DNAAF5: variants seen among roughly 807,000 people sequenced by gnomAD.
DNAAF5 encodes the protein HEAT repeat containing 2.
Under a neutral mutation model 75.8 loss-of-function variants are expected in DNAAF5, and 64 were observed. The observed-to-expected ratio is 0.84, with a 90% CI of 0.69 to 1.04. The LOEUF is 1.04. DNAAF5 is among the 50% of genes least tolerant of loss of function. The pLI is 0.00. For missense variants in DNAAF5, 1,269 were observed against 1,178.5 expected (o/e 1.08, Z -1.12); for synonymous variants, 657 against 557.2 (o/e 1.18, Z -2.52).
intron 8 of DNAAF5, chr7:769,105 G>A (rs754293237): frequency 9.4e-6 from 7 of 748,526 alleles, no homozygotes; most frequent in Admixed American, 7.2e-5. Flanking sequence ...TGTGGCAAGG[G>A]CAGGTGCGGG....
intron 4 of DNAAF5, among the ~76,000 whole-genome samples, chr7:750,373 C>A (rs753895926): frequency 1.1e-4 from 16 of 152,232 alleles, no homozygotes; most frequent in Non-Finnish European, 1.8e-4. Context: ...AACGCACCCC[C>A]CACCGTTCAG....
At chr7:750,140 T>A (rs1263166107) in intron 4 of DNAAF5, among the ~76,000 whole-genome samples, 1 of 152,176 alleles carries the variant, frequency 6.6e-6, no homozygotes, top group African/African-American at 2.4e-5. Context: ...GTTTCTCCTT[T>A]TTCTGTGTTT....
At chr7:769,024 C>T (rs1778457823) in intron 8 of DNAAF5, 3 of 626,512 alleles carry the variant, frequency 4.8e-6, no homozygotes, top group African/African-American at 1.8e-5. Context: ...TGGGGAGGCC[C>T]TCCAAGACAC....
At chr7:770,665 C>T in intron 9 of DNAAF5, 47 bp downstream of exon 9, 2 of 1,580,894 alleles carry the variant, frequency 1.3e-6, no homozygotes, top group Non-Finnish European at 1.7e-6. Context: ...GGGGCCTGGG[C>T]CAGGGGTCCC....
At chr7:760,691 CGCA>C (rs1189032611) in intron 6 of DNAAF5, among the ~76,000 whole-genome samples, 1 of 152,190 alleles carries the variant, frequency 6.6e-6, no homozygotes, top group Admixed American at 6.5e-5. Flanking sequence ...AGTAAGCACA[CGCA>C]AAGCCTTAGG....
intron 8 of DNAAF5, among the ~76,000 whole-genome samples, chr7:767,483 A>G (rs1483168106): frequency 2.0e-5 from 3 of 152,250 alleles, no homozygotes; most frequent in African/African-American, 7.2e-5. Context: ...ATCGGGGCAT[A>G]ATTTAATAGA....
At chr7:730,435 G>C (rs188315398) in intron 2 of DNAAF5, among the ~76,000 whole-genome samples, 85 of 152,296 alleles carry the variant, frequency 5.6e-4, no homozygotes, top group African/African-American at 2.0e-3. Flanking sequence ...TGATCTTTCT[G>C]TCTCTGAGTT....
chr7:734,925 A>G (rs888330427), intron 2 of DNAAF5, among the ~76,000 whole-genome samples: 15 of 150,310 alleles, frequency 1.0e-4, no homozygotes, highest in Non-Finnish European at 1.6e-4. Flanking sequence ...CGTTGCTCAT[A>G]TTGTAGTTGC....
At chr7:775,295 T>G in intron 11 of DNAAF5, 133 bp downstream of exon 11, 1 of 810,280 alleles carries the variant, frequency 1.2e-6, no homozygotes, top group Admixed American at 2.2e-5. Flanking sequence ...GGTTCACACC[T>G]TTAATTCCAG....
intron 4 of DNAAF5, among the ~76,000 whole-genome samples, chr7:743,207 T>G (rs2128073729): frequency 6.6e-6 from 1 of 152,100 alleles, no homozygotes; most frequent in South Asian, 2.1e-4. Flanking sequence ...TTACAAATAT[T>G]TTAACAAAAA....
intron 2 of DNAAF5, among the ~76,000 whole-genome samples, chr7:731,471 C>T (rs1486380686): frequency 6.6e-6 from 1 of 152,156 alleles, no homozygotes; most frequent in Admixed American, 6.5e-5. Context: ...TCGACAGCTG[C>T]CTATAAATGC....
At chr7:760,078 CT>C (rs1782597701) in intron 6 of DNAAF5, among the ~76,000 whole-genome samples, 3 of 11,260 alleles carry the variant, frequency 2.7e-4, no homozygotes, top group African/African-American at 7.7e-4. Context: ...GGCCGCGCGG[CT>C]CCTCCAGCTC....
At chr7:774,670 T>G (rs1001022856) in intron 10 of DNAAF5, among the ~76,000 whole-genome samples, 1 of 152,090 alleles carries the variant, frequency 6.6e-6, no homozygotes, top group Admixed American at 6.5e-5. Flanking sequence ...TGGGCGCCCG[T>G]GCAGCATCAG....
In DNAAF5 at chr7:741,466, G is replaced by T; in HGVS notation, c.1024+1G>T. The T allele has an allele frequency of 6.5e-7, 1 of 1,526,772 alleles. No homozygotes were observed. The highest frequency in any genetic ancestry group is 8.9e-7 in the Non-Finnish European group (1 of 1,119,570). The allele number at this position is 1,526,772 out of a possible 1,614,324, so 94.6% of individuals were successfully genotyped here. A position where few individuals can be genotyped will look rare whatever the true frequency, so the allele number is the denominator to read the frequency against. ...ACCCCACCCCATTACCCTCCACATG[G>T]TGAGTGACCGCGGCAGAGGGGAGCG... On this transcript the variant is annotated splice_donor_variant, in intron 4 of 12. Transcript: ENST00000297440. LOFTEE classifies it high-confidence loss of function.
intron 12 of DNAAF5, among the ~76,000 whole-genome samples, chr7:782,924 C>T (rs766073691): frequency 6.6e-6 from 1 of 151,974 alleles, no homozygotes; most frequent in Non-Finnish European, 1.5e-5. Context: ...GCCACCTCCC[C>T]TCCGGCGGCA....
At chr7:750,807 G>T in intron 4 of DNAAF5, 1 of 166,978 alleles carries the variant, frequency 6.0e-6, no homozygotes. Flanking sequence ...CTGTTCAGCT[G>T]TCAGCAGACC....
At chr7:774,341 C>A (rs1778682263) in intron 10 of DNAAF5, 143 bp downstream of exon 10, 5 of 908,772 alleles carry the variant, frequency 5.5e-6, no homozygotes, top group African/African-American at 3.5e-5. Context: ...AGGCTCTCCC[C>A]ACACTGGCGG....
At chr7:769,246 C>G (rs777282758) in intron 8 of DNAAF5, 2 of 743,754 alleles carry the variant, frequency 2.7e-6, no homozygotes, top group Non-Finnish European at 2.5e-6. Flanking sequence ...GACGCTCCCT[C>G]TACACTGGCC....
In DNAAF5 at chr7:774,108, G is replaced by A; in HGVS notation, c.1992G>A (p.Trp664Ter). 1 of 1,613,626 alleles carries A rather than the reference G, an allele frequency of 6.2e-7. No individual in the cohort carries two copies. Among genetic ancestry groups the A allele is most frequent in the Non-Finnish European group, 8.5e-7 (1 of 1,179,998 alleles). ...ACATCCTGGCCCCCAATCTGCAGTG[G>A]CATGCGGGGAGGACAGCCGCGGCCA... ...TKDILAPNLQ[W>*]HAGRTAAAIR... is the part of the protein sequence containing the mutation. The change falls in exon 10 of 13, where the codon TGG becomes TGA. Residue 664 changes from tryptophan to a stop codon, truncating the protein, a stop_gained. Coordinates refer to ENST00000297440, the MANE Select transcript of DNAAF5 (RefSeq NM_017802.4). LOFTEE classifies it high-confidence loss of function.
Sources: gnomAD v4.1 joint callset for allele counts (sites outside exome capture counted in the v4.1 genomes callset) on GRCh38, gnomAD v4.1.1 for gene constraint, MANE v1.5 for transcripts, NCBI Gene and HGNC (gene_info 2026-07-23, HGNC 2026-07-21) for gene names.